Variants in SLC14A2 observed in about 807,000 individuals in gnomAD.
SLC14A2 encodes the protein solute carrier family 14 member 2.
A neutral mutation model predicts 104.6 loss-of-function variants in SLC14A2; 91 were observed. The ratio of observed to expected loss-of-function variants is 0.87; its 90% CI spans 0.73 to 1.04. SLC14A2 has a LOEUF of 1.04. Among genes scored for constraint, SLC14A2 ranks in the 50% least tolerant of loss-of-function variants. The pLI, the probability that SLC14A2 is intolerant of heterozygous loss-of-function variation, is 0.00. For synonymous variants in SLC14A2, 476 were observed against 466.4 expected (o/e 1.02, Z -0.27); for missense variants, 1,189 against 1,156.0 (o/e 1.03, Z -0.41).
chr18:45,471,616 T>C (rs901746318), intron 1 of SLC14A2, among the ~76,000 whole-genome samples: 1 of 152,112 alleles, frequency 6.6e-6, no homozygotes, highest in African/African-American at 2.4e-5. Flanking sequence ...ACTATCCATT[T>C]TCATGTGTTC....
chr18:45,212,164 T>C (rs2143967989), upstream of SLC14A2, among the ~76,000 whole-genome samples: 1 of 152,310 alleles, frequency 6.6e-6, no homozygotes, highest in South Asian at 2.1e-4. Context: ...ATATTTGTAG[T>C]CCAACATAGA....
chr18:45,469,582 A>G (rs1210987929), intron 1 of SLC14A2, among the ~76,000 whole-genome samples: 1 of 152,190 alleles, frequency 6.6e-6, no homozygotes, highest in Non-Finnish European at 1.5e-5. Context: ...TCTTGATCCC[A>G]AGGAACTGGG....
intron 2 of SLC14A2, among the ~76,000 whole-genome samples, chr18:45,534,835 A>G (rs1484643787): frequency 6.6e-6 from 1 of 152,236 alleles, no homozygotes; most frequent in South Asian, 2.1e-4. Flanking sequence ...GGATCAGTTA[A>G]TGGTAGATTA....
intron 10 of SLC14A2, among the ~76,000 whole-genome samples, chr18:45,663,403 A>T (rs923012486): frequency 3.9e-5 from 6 of 152,158 alleles, no homozygotes; most frequent in African/African-American, 1.4e-4. Context: ...CACCTGGGTG[A>T]TTCTAACATG....
chr18:45,187,646 A>G, the SLC14A2 span, among the ~76,000 whole-genome samples: 1 of 152,112 alleles, frequency 6.6e-6, no homozygotes, highest in Admixed American at 6.6e-5. Flanking sequence ...CAAGAAGGTG[A>G]AGCCACCTTA....
chr18:45,511,208 G>A (rs186461585), intron 2 of SLC14A2, among the ~76,000 whole-genome samples: 7 of 151,970 alleles, frequency 4.6e-5, no homozygotes, highest in Admixed American at 3.3e-4. Context: ...ACTTTATTAT[G>A]TATAGCCTTA....
rs60197753 is a variant in SLC14A2, at chr18:45,674,609, TAA to T, written c.2512+804_2512+805del. 1.2e-3 allele frequency among the ~76,000 whole-genome samples: 170 copies of T among 143,940 alleles called. 1 individual carries two copies. The highest frequency in any genetic ancestry group is 3.9e-3 in the African/African-American group (152 of 39,380). The allele number at this position is 143,940 out of a possible 152,430, so 94.4% of individuals were successfully genotyped here. ...CTAAGGCCAGCACACTGTAGTTACT[TAA>T]AAAAAAAAAAAGTAGCTGTCATATT... is the stretch of plus-strand genomic sequence containing the variant. On this transcript the variant is annotated intron_variant, in intron 18 of 19. Transcript: ENST00000255226.
chr18:45,419,725 G>T (rs1253629712), intron 1 of SLC14A2, among the ~76,000 whole-genome samples: 1 of 149,178 alleles, frequency 6.7e-6, no homozygotes, highest in Non-Finnish European at 1.5e-5. Context: ...AGTGGGCTGA[G>T]ATCACACCAC....
At chr18:45,522,505 A>G (rs1002532684) in intron 2 of SLC14A2, among the ~76,000 whole-genome samples, 2 of 151,998 alleles carry the variant, frequency 1.3e-5, no homozygotes, top group Non-Finnish European at 2.9e-5. Context: ...TCAGGGCGGG[A>G]GCAATCCTAC....
At chr18:45,229,402 TTTTGTTTGTTTG>T (rs146538293) in intron 1 of SLC14A2, among the ~76,000 whole-genome samples, 8 of 151,682 alleles carry the variant, frequency 5.3e-5, no homozygotes, top group East Asian at 1.9e-4. Context: ...CCCGTAGGTT[TTTTGTTTGTTTG>T]TTTGTTTGTT....
intron 1 of SLC14A2, among the ~76,000 whole-genome samples, chr18:45,336,114 C>A (rs1046110174): frequency 8.5e-5 from 13 of 152,086 alleles, no homozygotes; most frequent in Admixed American, 7.2e-4. Context: ...CAAGTGCCTG[C>A]CAGCTTTTGC....
At chr18:45,644,363 C>A (rs1482979258) in intron 10 of SLC14A2, 2 of 502,422 alleles carry the variant, frequency 4.0e-6, no homozygotes, top group Non-Finnish European at 7.0e-6. Flanking sequence ...ATCTATTGTG[C>A]GACATTAAGG....
chr18:45,601,727 A>G (rs571657869), intron 2 of SLC14A2, among the ~76,000 whole-genome samples: 10 of 152,372 alleles, frequency 6.6e-5, no homozygotes, highest in Non-Finnish European at 1.5e-4. Flanking sequence ...TTCTGAAATC[A>G]ATTGATCAGA....
chr18:45,492,882 A>G (rs2043026457), intron 2 of SLC14A2, among the ~76,000 whole-genome samples: 1 of 152,136 alleles, frequency 6.6e-6, no homozygotes, highest in Admixed American at 6.5e-5. Context: ...ATTGCTTCAA[A>G]CTTTAGTCAA....
intron 10 of SLC14A2, among the ~76,000 whole-genome samples, chr18:45,660,646 G>T (rs1305491602): frequency 2.6e-5 from 4 of 152,202 alleles, no homozygotes; most frequent in Non-Finnish European, 5.9e-5. Context: ...GAAACTGTCA[G>T]TGGGATTATG....
At chr18:45,239,518 C>T (rs1366704317) in intron 1 of SLC14A2, among the ~76,000 whole-genome samples, 1 of 152,238 alleles carries the variant, frequency 6.6e-6, no homozygotes, top group Non-Finnish European at 1.5e-5. Context: ...GGCTGATTCT[C>T]CTTGCAAGGT....
rs148149808 is a variant in SLC14A2, at chr18:45,343,469, G to A, written c.-125+130278G>A. Among the ~76,000 whole-genome samples the A allele has an allele frequency of 4.2e-3, 639 of 152,076 alleles. 7 individuals carry two copies. The highest frequency in any genetic ancestry group is 0.014 in the African/African-American group (585 of 41,460). On this transcript the variant is annotated intron_variant, in intron 1 of 20. Transcript: ENST00000586448. ...CTCCTCCCTCCTGTGACCCCCTGAC[G>A]TGCTACTGTGACACAGGGAGAGTTC...
intron 1 of SLC14A2, among the ~76,000 whole-genome samples, chr18:45,321,574 G>A (rs150408981): frequency 6.2e-4 from 95 of 152,290 alleles, no homozygotes; most frequent in African/African-American, 2.1e-3. Context: ...GGAAGAAAGC[G>A]GATCTGTGTT....
chr18:45,466,664 CA>C (rs2087148343), intron 1 of SLC14A2, among the ~76,000 whole-genome samples: 1 of 149,820 alleles, frequency 6.7e-6, no homozygotes, highest in South Asian at 2.2e-4. Flanking sequence ...GTTCTTTGAA[CA>C]AGTAGGGTAG....
Sources: gnomAD v4.1 joint callset for allele counts (sites outside exome capture counted in the v4.1 genomes callset) on GRCh38, gnomAD v4.1.1 for gene constraint, MANE v1.5 for transcripts, NCBI Gene and HGNC (gene_info 2026-07-23, HGNC 2026-07-21) for gene names.